Variants in DGKH observed in about 807,000 individuals in gnomAD.
DGKH encodes the protein DAG kinase eta.
In DGKH, 90 loss-of-function variants were observed where a neutral mutation model predicts 159.3. That is an observed-to-expected ratio of 0.57 (90% CI 0.48 to 0.67). The LOEUF is 0.67. Among genes scored for constraint, DGKH ranks in the 30% least tolerant of loss-of-function variants. The probability of loss-of-function intolerance (pLI) is 0.00; values close to 1 mark genes in which losing one functional copy is unlikely to be tolerated. For synonymous variants in DGKH, 536 were observed against 553.8 expected, an observed-to-expected ratio of 0.97 and a Z score of 0.45; for missense variants, 1,181 against 1,506.1, an observed-to-expected ratio of 0.78 and a Z score of 3.57.
chr13:42,069,628 T>A (rs1365471163), intron 1 of DGKH: 3 of 1,413,870 alleles, frequency 2.1e-6, no homozygotes, highest in Non-Finnish European at 2.9e-6. Context: ...TTTTCTTTTC[T>A]TATCAGATTT....
intron 1 of DGKH, among the ~76,000 whole-genome samples, chr13:42,040,573 G>T (rs993874413): frequency 6.6e-6 from 1 of 151,864 alleles, no homozygotes; most frequent in African/African-American, 2.4e-5. Context: ...GCGAGGGGCG[G>T]ATTCTGCGCC....
chr13:42,073,623 G>A (rs920038530), intron 1 of DGKH, among the ~76,000 whole-genome samples: 3 of 152,172 alleles, frequency 2.0e-5, no homozygotes, highest in Admixed American at 2.0e-4. Flanking sequence ...AAGCTAAGCC[G>A]TGATATTTGG....
chr13:42,152,866 G>C (rs1422550002), intron 3 of DGKH, among the ~76,000 whole-genome samples: 2 of 152,132 alleles, frequency 1.3e-5, no homozygotes, highest in Admixed American at 6.5e-5. Context: ...CATTGTGGGA[G>C]GGGGAGCACA....
In DGKH at chr13:42,187,792, G is replaced by A. The variant is rs78928132; in HGVS notation, c.1638+644G>A. Among the ~76,000 whole-genome samples the A allele has an allele frequency of 1.8e-3, 268 of 152,306 alleles. 4 individuals carry two copies. The East Asian group carries it at 0.043, about 25-fold the overall frequency. On this transcript the variant is annotated intron_variant, in intron 14 of 29. Transcript: ENST00000337343. ...CAAGCAGATTTGGGCCAGTTCAGCT[G>A]TCTTCCAGCATGGTTCTTTGGATTT...
intron 1 of DGKH, among the ~76,000 whole-genome samples, chr13:42,049,384 G>A (rs980104666): frequency 5.9e-5 from 9 of 152,228 alleles, no homozygotes; most frequent in African/African-American, 1.7e-4. Flanking sequence ...CTTAAAAGGA[G>A]AGTTTCAATT....
At chr13:42,211,144 G>T (rs1244700024) in intron 24 of DGKH, among the ~76,000 whole-genome samples, 1 of 152,138 alleles carries the variant, frequency 6.6e-6, no homozygotes, top group East Asian at 1.9e-4. Flanking sequence ...AAAGAAAAGA[G>T]ATAAAAAGCA....
At chr13:42,248,239 T>C (rs1324337177) in intron 29 of DGKH, among the ~76,000 whole-genome samples, 1 of 152,064 alleles carries the variant, frequency 6.6e-6, no homozygotes, top group Non-Finnish European at 1.5e-5. Flanking sequence ...ATGGCCAACA[T>C]AGTGAAACCC....
intron 1 of DGKH, among the ~76,000 whole-genome samples, chr13:42,054,177 G>A (rs1881578692): frequency 6.6e-6 from 1 of 152,198 alleles, no homozygotes; most frequent in South Asian, 2.1e-4. Flanking sequence ...GTAGGTGGCA[G>A]CCCATTACTG....
intron 1 of DGKH, among the ~76,000 whole-genome samples, chr13:42,118,622 G>T (rs1955007925): frequency 6.6e-6 from 1 of 152,240 alleles, no homozygotes; most frequent in Admixed American, 6.5e-5. Context: ...ACGGGGTCAA[G>T]GACGCCTTCC....
At chr13:42,077,819 C>A (rs1025344987) in intron 1 of DGKH, among the ~76,000 whole-genome samples, 2 of 152,180 alleles carry the variant, frequency 1.3e-5, no homozygotes, top group African/African-American at 4.8e-5. Flanking sequence ...AAATATCCAG[C>A]TATAATGTGA....
chr13:42,136,040 G>A (rs1955396459), intron 3 of DGKH, among the ~76,000 whole-genome samples: 1 of 152,184 alleles, frequency 6.6e-6, no homozygotes, highest in Admixed American at 6.5e-5. Context: ...TTGGACAAAT[G>A]GGTTAACCTT....
intron 1 of DGKH, chr13:42,070,495 T>A: frequency 7.8e-7 from 1 of 1,277,836 alleles, no homozygotes; most frequent in Non-Finnish European, 1.1e-6. Context: ...GTAAAAGACA[T>A]GGAGATCTGT....
chr13:42,117,442 G>A (rs1954985923), intron 1 of DGKH, among the ~76,000 whole-genome samples: 1 of 152,166 alleles, frequency 6.6e-6, no homozygotes, highest in African/African-American at 2.4e-5. Flanking sequence ...AGAAGCGTCT[G>A]TTTAGCCGTA....
intron 13 of DGKH, among the ~76,000 whole-genome samples, chr13:42,183,965 A>G (rs1381023265): frequency 6.6e-6 from 1 of 152,220 alleles, no homozygotes; most frequent in Non-Finnish European, 1.5e-5. Context: ...TTCTGTGTAC[A>G]AAAGTTTCAG....
intron 21 of DGKH, among the ~76,000 whole-genome samples, chr13:42,206,493 G>A (rs977135033): frequency 2.0e-5 from 3 of 152,098 alleles, no homozygotes; most frequent in African/African-American, 4.8e-5. Flanking sequence ...GTTTTCTATC[G>A]CTGCTATAAC....
Position 42,194,915 on chromosome 13 carries a change from G to A in DGKH, c.2066G>A (p.Arg689Gln), listed in dbSNP as rs1160079314. Residue 689 changes from arginine to glutamine, a missense_variant, in exon 17 of 30, where the codon CGG (arginine) becomes CAG (glutamine). By Grantham distance (43) the Arg-to-Gln change is conservative. Coordinates refer to ENST00000337343, the MANE Select transcript of DGKH (RefSeq NM_178009.5). ...VKTAPRSPDA[R>Q]ASYGHSQTDS... The stretch of plus-strand genomic sequence containing the variant: ...ACTGCACCTCGGTCTCCAGATGCCC[G>A]GGCAAGTTATGGCCATTCCCAAACT... 9.9e-6 allele frequency: 16 copies of A among 1,613,462 alleles called. No individual in the cohort carries two copies. The highest frequency in any genetic ancestry group is 2.2e-5 in the East Asian group (1 of 44,870).
At chr13:42,138,064 C>T (rs1400658923) in intron 3 of DGKH, 3 of 985,050 alleles carry the variant, frequency 3.0e-6, no homozygotes, top group Non-Finnish European at 3.6e-6. Flanking sequence ...CTTTAGTCAT[C>T]TCATTCCCTG....
chr13:42,186,976 T>C (rs945224860), intron 13 of DGKH, 73 bp from the exon 14 acceptor site: 7 of 1,309,274 alleles, frequency 5.3e-6, no homozygotes, highest in Non-Finnish European at 7.7e-6. Context: ...GTGTTTCTTT[T>C]TAAATATATT....
chr13:42,130,551 G>T (rs1156908514), intron 3 of DGKH, among the ~76,000 whole-genome samples: 2 of 152,090 alleles, frequency 1.3e-5, no homozygotes, highest in African/African-American at 4.8e-5. Context: ...AAGGTGCATT[G>T]TTCTTGCTGT....
Sources: allele counts gnomAD v4.1 joint callset (sites outside exome capture counted in the v4.1 genomes callset), GRCh38; gene constraint gnomAD v4.1.1; transcripts MANE v1.5; gene names NCBI Gene and HGNC (gene_info 2026-07-23, HGNC 2026-07-21).